DHDDS: variants seen among roughly 807,000 people sequenced by gnomAD.
DHDDS encodes the protein dehydrodolichyl diphosphate synthase subunit.
In DHDDS, 16 loss-of-function variants were observed where a neutral mutation model predicts 46.2. The ratio of observed to expected loss-of-function variants is 0.35; its 90% confidence interval spans 0.23 to 0.53. The LOEUF (loss-of-function observed/expected upper bound fraction) is 0.53, where lower values mean the gene tolerates loss of function less well. DHDDS is among the 20% of genes least tolerant of loss of function. DHDDS has a pLI of 0.94. For synonymous variants in DHDDS, 151 were observed against 163.1 expected (o/e 0.93, Z 0.56); for missense variants, 340 against 423.7 (o/e 0.80, Z 1.73).
At chr1:26,466,827 TTA>T (rs1313506892) in intron 8 of DHDDS, among the ~76,000 whole-genome samples, 1 of 152,186 alleles carries the variant, frequency 6.6e-6, no homozygotes, top group Non-Finnish European at 1.5e-5. Flanking sequence ...TGAAAATTCA[TTA>T]TCTCATTTTT....
At chr1:26,453,135 A>G (rs758808168) in intron 6 of DHDDS, among the ~76,000 whole-genome samples, 24 of 151,806 alleles carry the variant, frequency 1.6e-4, no homozygotes, top group Non-Finnish European at 3.2e-4. Flanking sequence ...CACTTTTGAC[A>G]TAAATATTTA....
chr1:26,459,482 T>C (rs2075402181), intron 7 of DHDDS, among the ~76,000 whole-genome samples: 1 of 152,224 alleles, frequency 6.6e-6, no homozygotes, highest in Admixed American at 6.5e-5. Flanking sequence ...AAATTAGGTA[T>C]TCCTATTATC....
At chr1:26,462,420 TG>T (rs2075433403) in intron 8 of DHDDS, among the ~76,000 whole-genome samples, 1 of 152,342 alleles carries the variant, frequency 6.6e-6, no homozygotes. Flanking sequence ...CTAAGTTAGA[TG>T]GTCCCAGAAT....
intron 8 of DHDDS, among the ~76,000 whole-genome samples, chr1:26,468,670 C>A (rs1379392023): frequency 6.6e-6 from 1 of 152,160 alleles, no homozygotes; most frequent in Non-Finnish European, 1.5e-5. Context: ...GACGCTTCCA[C>A]ACAAAACAAA....
At chr1:26,432,659 G>A in intron 1 of DHDDS, 2 of 479,228 alleles carry the variant, frequency 4.2e-6, no homozygotes, top group Non-Finnish European at 7.6e-6. Flanking sequence ...CAGATACGGA[G>A]GAAATGGGAA....
chr1:26,438,707 C>G (rs1039768730), intron 3 of DHDDS: 9 of 171,510 alleles, frequency 5.2e-5, no homozygotes, highest in Admixed American at 1.1e-4. Context: ...GCCTGGGTGA[C>G]AGAGTGACAC....
Position 26,469,710 on chromosome 1 carries a change from G to C in DHDDS, c.*579G>C. ...AATCTCTACCCTCTCCCACCACACA[G>C]TACTGATTGCTCACTGAAAGACTCA... On this transcript the variant is annotated 3_prime_UTR_variant, in exon 9 of 9. Transcript: ENST00000236342. 1 of 178,468 alleles carries C rather than the reference G, an allele frequency of 5.6e-6. No individual in the cohort carries two copies. The highest frequency in any genetic ancestry group is 1.4e-4 in the East Asian group (1 of 7,362). 11.1% of individuals were successfully genotyped at this position (178,468 alleles called of 1,614,324 possible).
At chr1:26,449,560 T>G (rs2075300687) in intron 6 of DHDDS, among the ~76,000 whole-genome samples, 1 of 151,740 alleles carries the variant, frequency 6.6e-6, no homozygotes, top group Non-Finnish European at 1.5e-5. Flanking sequence ...GCCACCATGC[T>G]CAGCTAATTC....
chr1:26,459,376 G>A (rs2075401164), intron 7 of DHDDS, among the ~76,000 whole-genome samples: 1 of 152,208 alleles, frequency 6.6e-6, no homozygotes, highest in South Asian at 2.1e-4. Context: ...TGTCAAGAGT[G>A]TTCCAAAGGG....
chr1:26,433,045 T>C, intron 2 of DHDDS, 37 bp downstream of exon 2: 1 of 1,608,850 alleles, frequency 6.2e-7, no homozygotes, highest in Non-Finnish European at 8.5e-7. Context: ...GGCCTTCTGG[T>C]CAGTTGGATA....
Position 26,457,877 on chromosome 1 carries a change from T to C in DHDDS, c.629T>C (p.Val210Ala). 1 of 1,613,966 alleles carries C rather than the reference T, an allele frequency of 6.2e-7. No individual in the cohort carries two copies. ...PDILIRTSGE[V>A]RLSDFLLWQT... ...ATCTTGATACGGACTTCTGGAGAAG[T>C]GCGGCTGAGTGACTTCTTGCTATGG... Residue 210 changes from valine (V) to alanine (A), a missense_variant, in exon 7 of 9, where the codon GTG becomes GCG. Val to Ala is a moderately conservative substitution (Grantham distance 64). This residue lies in a region of DHDDS where 268 missense variants were observed against 300.3 expected (regional missense o/e 0.89). Transcript: ENST00000236342.
Position 26,432,957 on chromosome 1 carries a change from C to T in DHDDS, c.12C>T (p.Ile4=). The T allele has an allele frequency of 6.2e-7, 1 of 1,614,152 alleles. No homozygotes were observed. The highest frequency in any genetic ancestry group is 8.5e-7 in the Non-Finnish European group (1 of 1,180,020). The change falls in exon 2 of 9, where the codon ATC becomes ATT. Residue 4 remains isoleucine, a synonymous_variant. Coordinates refer to ENST00000236342, the MANE Select transcript of DHDDS (RefSeq NM_205861.3). The stretch of plus-strand genomic sequence containing the variant: ...ACTGGAAAAGAACTATGTCATGGAT[C>T]AAGGAAGGAGAGCTGTCACTTTGGG... MSW[I]KEGELSLWER...
Position 26,469,504 on chromosome 1 carries a change from T to A in DHDDS, c.*373T>A, listed in dbSNP as rs74979801. The A allele has an allele frequency of 4.7e-4, 151 of 321,436 alleles. 1 individual carries two copies. The highest frequency in any genetic ancestry group is 2.9e-3 in the African/African-American group (138 of 47,482). 19.9% of individuals were successfully genotyped at this position (321,436 alleles called of 1,614,324 possible). ...AGTTCTCCCCAAAACCCTAGCTCTT[T>A]ACCCTTCCATTTTAGCCTTCCACCC... On this transcript the variant is annotated 3_prime_UTR_variant, in exon 9 of 9. Coordinates refer to ENST00000236342, the MANE Select transcript of DHDDS (RefSeq NM_205861.3).
chr1:26,435,617 TTTTTTTC>T (rs1034552066), intron 2 of DHDDS, among the ~76,000 whole-genome samples: 8 of 151,394 alleles, frequency 5.3e-5, no homozygotes, highest in African/African-American at 1.9e-4. Flanking sequence ...TTTGTTTTTG[TTTTTTTC>T]TTTTTTCCGA....
chr1:26,451,133 C>G (rs1015867846), intron 6 of DHDDS, among the ~76,000 whole-genome samples: 10 of 152,156 alleles, frequency 6.6e-5, no homozygotes, highest in African/African-American at 1.9e-4. Context: ...GTTAGTTATG[C>G]AGACAGGGTG....
chr1:26,433,188 CCTAA>C, intron 2 of DHDDS, 180 bp downstream of exon 2: 2 of 688,152 alleles, frequency 2.9e-6, no homozygotes, highest in South Asian at 1.8e-5. Context: ...AGACTTTTGT[CCTAA>C]CTCTGATATT....
Position 26,433,214 on chromosome 1 carries a change from C to T in DHDDS, c.63+206C>T, listed in dbSNP as rs896646970. 5 of 626,478 alleles carry T rather than the reference C, an allele frequency of 8.0e-6. No homozygotes were observed. In the East Asian group the frequency reaches 1.4e-4, roughly 17 times the overall value. The allele number at this position is 626,478 out of a possible 1,614,324, so 38.8% of individuals were successfully genotyped here. A position where few individuals can be genotyped will look rare whatever the true frequency, so the allele number is the denominator to read the frequency against. The stretch of plus-strand genomic sequence containing the variant: ...CTAACTCTGATATTTTCTGGAAGCC[C>T]AGGCCTCTTAATGTCACTGGGCAGC... On this transcript the variant is annotated intron_variant, in intron 2 of 8. Transcript: ENST00000236342.
rs774310289 is a variant in DHDDS at position 26,468,942 on chromosome 1, G to A, written c.813G>A (p.Glu271=). ...AGGAGCGGAAGAGGCAGCAGCTGGA[G>A]AGGGACCAGGCTACAGTGACAGAGC... ...YAEERKRQQL[E]RDQATVTEQL... Residue 271 remains glutamate, a synonymous_variant, in exon 9 of 9, where the codon GAG becomes GAA. Transcript: ENST00000236342. 1.2e-6 allele frequency: 2 copies of A among 1,614,184 alleles called. No individual in the cohort carries two copies. The highest frequency in any genetic ancestry group is 1.7e-6 in the Non-Finnish European group (2 of 1,180,036).
At chr1:26,468,820 CCTA>C in intron 8 of DHDDS, 72 bp from the exon 9 acceptor site, 1 of 1,536,130 alleles carries the variant, frequency 6.5e-7, no homozygotes, top group Non-Finnish European at 8.9e-7. Context: ...TGCCCCACCC[CCTA>C]CCTCCTCCAT....
Sources: allele counts gnomAD v4.1 joint callset (sites outside exome capture counted in the v4.1 genomes callset), GRCh38; gene constraint gnomAD v4.1.1; regional missense constraint gnomAD v4.1.1; transcripts MANE v1.5; gene names NCBI Gene and HGNC (gene_info 2026-07-23, HGNC 2026-07-21).